Variants in RALYL observed in about 807,000 individuals in gnomAD.
RALYL encodes RALY RNA binding protein like, also known as RNA-binding Raly-like protein.
A neutral mutation model predicts 35.1 loss-of-function variants in RALYL; 29 were observed. The ratio of observed to expected loss-of-function variants is 0.83; its 90% confidence interval spans 0.61 to 1.13. The LOEUF (loss-of-function observed/expected upper bound fraction) is 1.13, where lower values mean the gene tolerates loss of function less well. Ranked by LOEUF, RALYL falls within the 50% of genes most tolerant of loss-of-function variation. RALYL has a pLI of 0.00. For missense variants in RALYL, 359 were observed against 360.4 expected (o/e 1.00, Z 0.03); for synonymous variants, 120 against 127.6 (o/e 0.94, Z 0.40).
chr8:84,793,025 G>A (rs761153220), intron 3 of RALYL, among the ~76,000 whole-genome samples: 2 of 152,198 alleles, frequency 1.3e-5, no homozygotes, highest in Middle Eastern at 3.2e-3. Context: ...TTGCAGTTAA[G>A]TGTGATGGGA....
At chr8:84,684,845 G>A (rs1836414421) in intron 2 of RALYL, among the ~76,000 whole-genome samples, 1 of 152,164 alleles carries the variant, frequency 6.6e-6, no homozygotes, top group African/African-American at 2.4e-5. Flanking sequence ...CTGTCAAATT[G>A]TCATAGATAG....
chr8:84,798,929 A>G (rs1215629642), intron 3 of RALYL, among the ~76,000 whole-genome samples: 1 of 152,214 alleles, frequency 6.6e-6, no homozygotes, highest in Non-Finnish European at 1.5e-5. Flanking sequence ...TGGAGCGTGG[A>G]GTCTGTAGAC....
chr8:84,306,339 C>T (rs1359492287), intron 1 of RALYL, among the ~76,000 whole-genome samples: 1 of 152,088 alleles, frequency 6.6e-6, no homozygotes, highest in Non-Finnish European at 1.5e-5. Flanking sequence ...AGGAGTATTT[C>T]TGAAGTGATA....
intron 1 of RALYL, among the ~76,000 whole-genome samples, chr8:84,203,721 T>G (rs187931550): frequency 6.6e-6 from 1 of 152,290 alleles, no homozygotes; most frequent in East Asian, 1.9e-4. Flanking sequence ...GAACACACAC[T>G]GCATTTACAC....
chr8:84,860,266 C>T (rs538533794), intron 5 of RALYL, among the ~76,000 whole-genome samples: 14 of 152,260 alleles, frequency 9.2e-5, no homozygotes, highest in African/African-American at 3.4e-4. Flanking sequence ...TTTCTTAACC[C>T]AATTTATAGA....
At chr8:84,735,831 A>T (rs916874068) in intron 2 of RALYL, among the ~76,000 whole-genome samples, 1 of 151,668 alleles carries the variant, frequency 6.6e-6, no homozygotes, top group African/African-American at 2.4e-5. Flanking sequence ...AGAGAGAGAG[A>T]GAGAGAGAGA....
At chr8:84,546,453 T>C (rs1055130585) in intron 2 of RALYL, among the ~76,000 whole-genome samples, 1 of 152,222 alleles carries the variant, frequency 6.6e-6, no homozygotes, top group African/African-American at 2.4e-5. Flanking sequence ...TATGTACTTA[T>C]GTACTGAATT....
chr8:84,383,922 C>A (rs566325604), intron 1 of RALYL, among the ~76,000 whole-genome samples: 13 of 151,630 alleles, frequency 8.6e-5, no homozygotes, highest in African/African-American at 2.9e-4. Context: ...TGATAGCCAG[C>A]CAGATACTTA....
At chr8:84,713,682 C>T (rs1842533594) in intron 2 of RALYL, among the ~76,000 whole-genome samples, 1 of 151,658 alleles carries the variant, frequency 6.6e-6, no homozygotes, top group Non-Finnish European at 1.5e-5. Flanking sequence ...GAAGTTTCCT[C>T]ATAAAATAAA....
intron 2 of RALYL, among the ~76,000 whole-genome samples, chr8:84,546,806 T>C (rs1274583172): frequency 2.0e-5 from 3 of 152,158 alleles, no homozygotes; most frequent in African/African-American, 7.2e-5. Context: ...TAGGGGTGGG[T>C]AGGGCTCTTG....
intron 2 of RALYL, among the ~76,000 whole-genome samples, chr8:84,766,730 A>AC (rs1191372263): frequency 2.0e-5 from 3 of 147,542 alleles, no homozygotes; most frequent in African/African-American, 7.4e-5. Flanking sequence ...CAAAAAAAAA[A>AC]AAAAAAAAAA....
chr8:84,676,696 A>G (rs1834258500), intron 2 of RALYL, among the ~76,000 whole-genome samples: 1 of 152,248 alleles, frequency 6.6e-6, no homozygotes, highest in Non-Finnish European at 1.5e-5. Flanking sequence ...AATGATTATT[A>G]AGGCCTTTCT....
intron 1 of RALYL, among the ~76,000 whole-genome samples, chr8:84,357,160 T>G (rs1354852673): frequency 6.6e-6 from 1 of 152,104 alleles, no homozygotes. Context: ...AACACACTTA[T>G]GTCCCTTCAC....
intron 1 of RALYL, among the ~76,000 whole-genome samples, chr8:84,304,480 C>T (rs1391796130): frequency 6.6e-6 from 1 of 152,128 alleles, no homozygotes; most frequent in African/African-American, 2.4e-5. Context: ...AATTCTTTAA[C>T]TTCAATTATC....
At chr8:84,573,764 T>C (rs1380043455) in intron 2 of RALYL, among the ~76,000 whole-genome samples, 1 of 151,966 alleles carries the variant, frequency 6.6e-6, no homozygotes, top group Non-Finnish European at 1.5e-5. Context: ...GTATTTTCTC[T>C]GATCTCTTTT....
chr8:84,254,638 GTT>G (rs1340245292), intron 1 of RALYL, among the ~76,000 whole-genome samples: 3 of 151,422 alleles, frequency 2.0e-5, no homozygotes, highest in Non-Finnish European at 4.4e-5. Context: ...GAATGCCAAA[GTT>G]TGTGTGTGTG....
chr8:84,526,076 C>T lies in RALYL; in HGVS notation c.-23-3223C>T, dbSNP rs138884519. Among the ~76,000 whole-genome samples the T allele has an allele frequency of 4.2e-3, 628 of 150,886 alleles. 2 individuals are homozygous for T. The highest frequency in any genetic ancestry group is 6.4e-3 in the Non-Finnish European group (435 of 67,792). On this transcript the variant is annotated intron_variant, in intron 1 of 8. Transcript: ENST00000521268. ...AAGCAATTCTTCTGCCTCAGCCTTC[C>T]GAGTAGCTGGGATTTACAGGTGTGC...
chr8:84,760,059 A>C (rs1192915024), intron 2 of RALYL, among the ~76,000 whole-genome samples: 2 of 152,108 alleles, frequency 1.3e-5, no homozygotes, highest in Admixed American at 1.3e-4. Flanking sequence ...CCCTTTTAAT[A>C]TTTATTCATA....
At chr8:84,739,391 CAT>C (rs1563487816) in intron 2 of RALYL, among the ~76,000 whole-genome samples, 1 of 151,396 alleles carries the variant, frequency 6.6e-6, no homozygotes, top group African/African-American at 2.4e-5. Context: ...CAAATAGAAA[CAT>C]GTAAAATAAG....
Sources: gnomAD v4.1 joint callset for allele counts (sites outside exome capture counted in the v4.1 genomes callset) on GRCh38, gnomAD v4.1.1 for gene constraint, MANE v1.5 for transcripts, NCBI Gene and HGNC (gene_info 2026-07-23, HGNC 2026-07-21) for gene names.